Variants in PCSK5 observed in about 807,000 individuals in gnomAD.
PCSK5 encodes proprotein convertase subtilisin/kexin type 5.
In PCSK5, 129 loss-of-function variants were observed where a neutral mutation model predicts 233.2. That is an observed-to-expected ratio of 0.55 (90% CI 0.48 to 0.64). The LOEUF is 0.64. Among genes scored for constraint, PCSK5 ranks in the 30% least tolerant of loss-of-function variants. The pLI, the probability that PCSK5 is intolerant of heterozygous loss-of-function variation, is 0.00. For missense variants in PCSK5, 2,076 were observed against 2,430.1 expected, an observed-to-expected ratio of 0.85 and a Z score of 3.06; for synonymous variants, 825 against 879.2, an observed-to-expected ratio of 0.94 and a Z score of 1.09.
chr9:76,053,600 C>T (rs2131561940), intron 5 of PCSK5, among the ~76,000 whole-genome samples: 1 of 152,268 alleles, frequency 6.6e-6, no homozygotes, highest in African/African-American at 2.4e-5. Context: ...GATGAAAATA[C>T]CACAGTCTCT....
At chr9:75,972,588 C>A (rs1825854121) in intron 2 of PCSK5, among the ~76,000 whole-genome samples, 2 of 152,166 alleles carry the variant, frequency 1.3e-5, no homozygotes, top group African/African-American at 2.4e-5. Context: ...TTGAAGAGAT[C>A]CTTCACTTCC....
At chr9:76,175,212 G>GAATGA (rs1564081065) in intron 14 of PCSK5, 83 bp downstream of exon 14, 5 of 564,958 alleles carry the variant, frequency 8.9e-6, no homozygotes, top group South Asian at 2.4e-5. Flanking sequence ...GAATGGAATG[G>GAATGA]AATGGAATGA....
intron 30 of PCSK5, among the ~76,000 whole-genome samples, chr9:76,311,892 A>G (rs1360427967): frequency 6.6e-6 from 1 of 152,170 alleles, no homozygotes; most frequent in African/African-American, 2.4e-5. Flanking sequence ...AGCCACTACC[A>G]GGGCCAGGAA....
At chr9:76,057,285 A>G (rs62558826) in intron 5 of PCSK5, among the ~76,000 whole-genome samples, 7,427 of 152,210 alleles carry the variant, frequency 0.049, 365 homozygotes, top group East Asian at 0.23. Context: ...ATACACTTGA[A>G]CTTCAAACAG....
At chr9:76,028,434 G>C (rs1339673902) in intron 5 of PCSK5, among the ~76,000 whole-genome samples, 1 of 152,180 alleles carries the variant, frequency 6.6e-6, no homozygotes, top group Non-Finnish European at 1.5e-5. Flanking sequence ...TTGGTGGGTA[G>C]CGACTTAGGA....
intron 3 of PCSK5, among the ~76,000 whole-genome samples, chr9:76,015,836 G>T (rs147564616): frequency 6.6e-6 from 1 of 152,094 alleles, no homozygotes; most frequent in African/African-American, 2.4e-5. Context: ...AGCTTTTTGT[G>T]GTTTTAGCAA....
intron 11 of PCSK5, among the ~76,000 whole-genome samples, chr9:76,157,816 C>T (rs1031852176): frequency 1.3e-5 from 2 of 152,172 alleles, no homozygotes; most frequent in Non-Finnish European, 2.9e-5. Context: ...TTTCATTCTA[C>T]TCTTGTGGCA....
chr9:76,344,916 G>A (rs563484012), intron 35 of PCSK5, among the ~76,000 whole-genome samples: 157 of 152,298 alleles, frequency 1.0e-3, no homozygotes, highest in African/African-American at 3.6e-3. Flanking sequence ...CTTTGAAGAT[G>A]ATTGCGGGGA....
intron 7 of PCSK5, among the ~76,000 whole-genome samples, chr9:76,084,110 T>C (rs534124178): frequency 9.2e-5 from 14 of 152,340 alleles, no homozygotes; most frequent in African/African-American, 3.4e-4. Flanking sequence ...AACTACATCC[T>C]GGTGGAATTC....
chr9:76,226,685 G>C (rs1042114012), intron 20 of PCSK5, among the ~76,000 whole-genome samples: 1 of 152,160 alleles, frequency 6.6e-6, no homozygotes, highest in African/African-American at 2.4e-5. Flanking sequence ...CTGTGGATCT[G>C]ACCAAAGAAG....
Position 75,891,079 on chromosome 9 carries a change from CCGGGGCTGCTCGCCGGGCGGCG to C in PCSK5, c.-101_-80del. 8.8e-7 allele frequency: 1 copy of C among 1,133,116 alleles called. No homozygotes were observed. Among genetic ancestry groups the C allele is most frequent in the African/African-American group, 1.6e-5 (1 of 60,846 alleles). The allele number at this position is 1,133,116 out of a possible 1,614,324, so 70.2% of individuals were successfully genotyped here. A position where few individuals can be genotyped will look rare whatever the true frequency, so the allele number is the denominator to read the frequency against. On this transcript the variant is annotated 5_prime_UTR_variant, in exon 1 of 38. Transcript: ENST00000674117. ...GCCCGGGGCTGCGAGCTGCGGCGGC[CCGGGGCTGCTCGCCGGGCGGCG>C]CAGGCCGGAGAAGTTAGTTGTGCGC...
chr9:76,282,827 T>A (rs1015024961), intron 24 of PCSK5, among the ~76,000 whole-genome samples: 2 of 152,148 alleles, frequency 1.3e-5, no homozygotes, highest in African/African-American at 4.8e-5. Flanking sequence ...TCCATGGGAT[T>A]CACCATTCTT....
At chr9:76,227,936 C>T (rs2131310532) in intron 21 of PCSK5, among the ~76,000 whole-genome samples, 1 of 151,896 alleles carries the variant, frequency 6.6e-6, no homozygotes, top group African/African-American at 2.4e-5. Flanking sequence ...GGTCAAGTAT[C>T]TACTTATTTC....
At chr9:75,904,774 A>G (rs1209169725) in intron 1 of PCSK5, among the ~76,000 whole-genome samples, 1 of 152,216 alleles carries the variant, frequency 6.6e-6, no homozygotes, top group Non-Finnish European at 1.5e-5. Flanking sequence ...CAGCTACTCT[A>G]TGACCCAGCA....
At position 76,292,233 on chromosome 9, in the gene PCSK5, A is replaced by G; in HGVS notation, c.3143A>G (p.Asp1048Gly). The G allele has an allele frequency of 6.4e-7, 1 of 1,550,800 alleles. No individual in the cohort carries two copies. Among genetic ancestry groups the G allele is most frequent in the Admixed American group, 1.7e-5 (1 of 59,054 alleles). The change falls in exon 25 of 38, where the codon GAT (aspartate) becomes GGT (glycine). Residue 1048 changes from aspartate (D) to glycine (G), a missense_variant and splice_region_variant. Around this residue, in one of 6 missense-constraint regions of PCSK5, gnomAD observed 1,510 missense variants for 1,538.1 expected, o/e 0.98. Coordinates refer to ENST00000674117, the MANE Select transcript of PCSK5 (RefSeq NM_001372043.1). Reference protein sequence around the residue: ...CEEGCLGCSLDDPGTCTSCAM... With the variant: ...CEEGCLGCSLGDPGTCTSCAM... ...ACTTTTTATTATTTTTTTTTTCCAGATGATCCAGGAACATGTACATCTTGC... is the reference window on the plus strand; with the variant it reads ...ACTTTTTATTATTTTTTTTTTCCAGGTGATCCAGGAACATGTACATCTTGC...
chr9:76,016,021 C>T (rs995447481), intron 3 of PCSK5, among the ~76,000 whole-genome samples: 13 of 152,218 alleles, frequency 8.5e-5, no homozygotes, highest in African/African-American at 1.7e-4. Flanking sequence ...ATCCCTGACT[C>T]GCCCTTTGGC....
chr9:75,975,728 T>G (rs1825987399), intron 2 of PCSK5, among the ~76,000 whole-genome samples: 1 of 152,246 alleles, frequency 6.6e-6, no homozygotes, highest in Non-Finnish European at 1.5e-5. Flanking sequence ...TTCTTGCAGT[T>G]ATCTAAAACT....
chr9:76,154,716 TAAAAATTTC>T (rs1181570543), intron 10 of PCSK5, among the ~76,000 whole-genome samples: 1 of 152,164 alleles, frequency 6.6e-6, no homozygotes, highest in Non-Finnish European at 1.5e-5. Context: ...ACATCTTTGG[TAAAAATTTC>T]AATTTCCCCA....
chr9:76,294,116 G>A (rs1422639248), intron 25 of PCSK5, among the ~76,000 whole-genome samples: 1 of 150,596 alleles, frequency 6.6e-6, no homozygotes, highest in Non-Finnish European at 1.5e-5. Context: ...AGAATCACTT[G>A]AACCCAGGAG....
Sources: gnomAD v4.1 joint callset for allele counts (sites outside exome capture counted in the v4.1 genomes callset) on GRCh38, gnomAD v4.1.1 for gene constraint, gnomAD v4.1.1 regional missense constraint, MANE v1.5 for transcripts, NCBI Gene and HGNC (gene_info 2026-07-23, HGNC 2026-07-21) for gene names.